The following TFCP2L1 variants were observed in gnomAD, a reference collection of about 807,000 sequenced individuals.
The protein encoded by TFCP2L1 is transcription factor CP2-like protein 1.
Under a neutral mutation model 72.2 loss-of-function variants are expected in TFCP2L1, and 12 were observed. The ratio of observed to expected loss-of-function variants is 0.17; its 90% CI spans 0.11 to 0.27. The LOEUF is 0.27. Among genes scored for constraint, TFCP2L1 ranks in the 10% least tolerant of loss-of-function variants. TFCP2L1 has a pLI of 1.00. For synonymous variants in TFCP2L1, 260 were observed against 251.0 expected, an observed-to-expected ratio of 1.04 and a Z score of -0.34; for missense variants, 488 against 624.6, an observed-to-expected ratio of 0.78 and a Z score of 2.33.
chr2:121,276,440 T>C (rs2580357), intron 2 of TFCP2L1, among the ~76,000 whole-genome samples: 88,637 of 151,736 alleles, frequency 0.58, 26,150 homozygotes, highest in East Asian at 0.66. Context: ...CAAGAGCAGC[T>C]TGGGAAACAT....
chr2:121,253,518 G>A (rs1686652317), intron 2 of TFCP2L1, among the ~76,000 whole-genome samples: 1 of 152,150 alleles, frequency 6.6e-6, no homozygotes, highest in Admixed American at 6.6e-5. Context: ...GATAAAGAAT[G>A]CTGACAGCGG....
intron 2 of TFCP2L1, among the ~76,000 whole-genome samples, chr2:121,266,757 C>G (rs1573389936): frequency 6.6e-6 from 1 of 152,196 alleles, no homozygotes. Flanking sequence ...GAGTGACTCA[C>G]CAGGGCTTCC....
intron 10 of TFCP2L1, 101 bp from the exon 11 acceptor site, chr2:121,235,412 G>T: frequency 8.8e-7 from 1 of 1,130,358 alleles, no homozygotes; most frequent in Non-Finnish European, 1.3e-6. Flanking sequence ...GTGGGGGGTG[G>T]GGAAGAGCCA....
At position 121,285,196 on chromosome 2, in the gene TFCP2L1, C is replaced by T. The variant is rs1024721158; in HGVS notation, c.-87G>A. The T allele has an allele frequency of 2.3e-5, 28 of 1,208,052 alleles. No homozygotes were observed. The highest frequency in any genetic ancestry group is 2.9e-5 in the Non-Finnish European group (27 of 944,404). 74.8% of individuals were successfully genotyped at this position (1,208,052 alleles called of 1,614,324 possible). A position where few individuals can be genotyped will look rare whatever the true frequency, so the allele number is the denominator to read the frequency against. ...AGGACCCAGCGGCGGCTTCGCGCTCCGAACCCGCGGTGCCGGCCGGCTCGG... is the reference window on the plus strand; with the variant it reads ...AGGACCCAGCGGCGGCTTCGCGCTCTGAACCCGCGGTGCCGGCCGGCTCGG... On this transcript the variant is annotated 5_prime_UTR_variant, in exon 1 of 15. Transcript: ENST00000263707.
At chr2:121,246,540 C>T (rs1030717218) in intron 6 of TFCP2L1, among the ~76,000 whole-genome samples, 5 of 152,270 alleles carry the variant, frequency 3.3e-5, no homozygotes, top group South Asian at 2.1e-4. Flanking sequence ...AGAGTAGCGC[C>T]GAGGACCGAC....
chr2:121,240,982 C>T (rs3768909), intron 7 of TFCP2L1, among the ~76,000 whole-genome samples: 5,800 of 152,264 alleles, frequency 0.038, 197 homozygotes, highest in East Asian at 0.13. Context: ...CAGCCAAGAC[C>T]GGGCCACTGT....
intron 2 of TFCP2L1, among the ~76,000 whole-genome samples, chr2:121,265,281 A>G (rs1388520298): frequency 6.6e-6 from 1 of 152,204 alleles, no homozygotes; most frequent in African/African-American, 2.4e-5. Context: ...GTGGGTAGAG[A>G]TAAAGTAGAT....
intron 2 of TFCP2L1, among the ~76,000 whole-genome samples, chr2:121,255,569 G>A (rs1043256623): frequency 6.6e-6 from 1 of 152,186 alleles, no homozygotes; most frequent in African/African-American, 2.4e-5. Flanking sequence ...TTCCAGAGAG[G>A]TGAAGTGTCC....
intron 2 of TFCP2L1, among the ~76,000 whole-genome samples, chr2:121,269,918 A>AAAAAAAAAAAAAAAAT: frequency 0.018 from 2,117 of 114,576 alleles, 89 homozygotes; most frequent in East Asian, 0.14. Context: ...AAAAAAAAAA[A>AAAAAAAAAAAAAAAAT]ATATATATAT....
chr2:121,221,202 C>T lies in TFCP2L1; in HGVS notation c.*3139G>A, dbSNP rs2104646549. The T allele has an allele frequency of 6.6e-6, 1 of 152,248 alleles. No homozygotes were observed. Among genetic ancestry groups the T allele is most frequent in the South Asian group, 2.1e-4 (1 of 4,822 alleles). 9.4% of individuals were successfully genotyped at this position (152,248 alleles called of 1,614,324 possible). On this transcript the variant is annotated 3_prime_UTR_variant, in exon 15 of 15. Coordinates refer to ENST00000263707, the MANE Select transcript of TFCP2L1 (RefSeq NM_014553.3). Reference sequence around the variant, plus strand: ...TTCCACTTCTAGGTGATTCAGTTTCCTCATGACTCATAACAGGAAATCATT... The same window carrying T: ...TTCCACTTCTAGGTGATTCAGTTTCTTCATGACTCATAACAGGAAATCATT...
At chr2:121,279,278 C>T (rs1214699818) in intron 2 of TFCP2L1, among the ~76,000 whole-genome samples, 1 of 152,212 alleles carries the variant, frequency 6.6e-6, no homozygotes, top group African/African-American at 2.4e-5. Flanking sequence ...CTCAAAGGTG[C>T]ATAACCAGTT....
At chr2:121,253,521 G>C (rs1686652422) in intron 2 of TFCP2L1, among the ~76,000 whole-genome samples, 2 of 152,136 alleles carry the variant, frequency 1.3e-5, no homozygotes, top group African/African-American at 4.8e-5. Context: ...AAAGAATGCT[G>C]ACAGCGGCCC....
rs1230991252 is a variant in TFCP2L1 at position 121,246,869 on chromosome 2, C to T, written c.606G>A (p.Gly202=). 1 of 1,614,138 alleles carries T rather than the reference C, an allele frequency of 6.2e-7. No individual in the cohort carries two copies. Among genetic ancestry groups the T allele is most frequent in the Admixed American group, 1.7e-5 (1 of 60,008 alleles). The change falls in exon 6 of 15, where the codon GGG becomes GGA. Residue 202 remains glycine, a synonymous_variant. Transcript: ENST00000263707. ...CTGAGTGCAGGTGCTCCGTGTACTC[C>T]CCATTCTCGTTCTGCTTAAACGTGT... is the stretch of plus-strand genomic sequence containing the variant. ...QIDTFKQNEN[G]EYTEHLHSAS...
chr2:121,246,734 G>C, intron 6 of TFCP2L1, 84 bp downstream of exon 6: 1 of 1,565,504 alleles, frequency 6.4e-7, no homozygotes, highest in Non-Finnish European at 8.7e-7. Context: ...GCCTGTAAGA[G>C]GAAACTCCAG....
At position 121,219,370 on chromosome 2, in the gene TFCP2L1, C is replaced by T. The variant is rs950464401; in HGVS notation, c.*4971G>A. 8 of 152,380 alleles carry T rather than the reference C, an allele frequency of 5.3e-5. No individual in the cohort carries two copies. The East Asian group carries it at 9.7e-4, about 18-fold the overall frequency. The allele number at this position is 152,380 out of a possible 1,614,324, so 9.4% of individuals were successfully genotyped here. Reference sequence around the variant, plus strand: ...AGGAACCCAGGTACACATGTAAACACGCACATGTGCACCAATGACACAGAC... The same window carrying T: ...AGGAACCCAGGTACACATGTAAACATGCACATGTGCACCAATGACACAGAC... On this transcript the variant is annotated 3_prime_UTR_variant, in exon 15 of 15. Coordinates refer to ENST00000263707, the MANE Select transcript of TFCP2L1 (RefSeq NM_014553.3).
intron 2 of TFCP2L1, among the ~76,000 whole-genome samples, chr2:121,269,917 AAATAT>A (rs1558744287): frequency 2.8e-5 from 3 of 106,692 alleles, no homozygotes; most frequent in African/African-American, 3.0e-5. Context: ...TAAAAAAAAA[AAATAT>A]ATATATATAT....
At chr2:121,248,308 C>A in intron 4 of TFCP2L1, 38 bp from the exon 5 acceptor site, 1 of 1,520,288 alleles carries the variant, frequency 6.6e-7, no homozygotes, top group South Asian at 1.2e-5. Context: ...GTGCAATTGT[C>A]AGCCTCTCCC....
intron 2 of TFCP2L1, among the ~76,000 whole-genome samples, chr2:121,275,398 CAAA>C (rs575514638): frequency 2.1e-4 from 14 of 65,734 alleles, no homozygotes; most frequent in Admixed American, 9.2e-4. Context: ...GACTCCATCT[CAAA>C]AAAAAAAAAA....
chr2:121,249,655 G>C lies in TFCP2L1; in HGVS notation c.215-8C>G. On this transcript the variant is annotated splice_polypyrimidine_tract_variant and splice_region_variant and intron_variant, in intron 2 of 14. Coordinates refer to ENST00000263707, the MANE Select transcript of TFCP2L1 (RefSeq NM_014553.3). ...GGATTTCATAAGACTGACCTGGATG[G>C]GGGTTAAAAGGACATTTTCCATTTC... 6.2e-7 allele frequency: 1 copy of C among 1,613,918 alleles called. No homozygotes were observed. Among genetic ancestry groups the C allele is most frequent in the Non-Finnish European group, 8.5e-7 (1 of 1,179,812 alleles).
Sources: gnomAD v4.1 joint callset for allele counts (sites outside exome capture counted in the v4.1 genomes callset) on GRCh38, gnomAD v4.1.1 for gene constraint, MANE v1.5 for transcripts, NCBI Gene and HGNC (gene_info 2026-07-23, HGNC 2026-07-21) for gene names.